Variants in NR3C1 observed in about 807,000 individuals in gnomAD.
NR3C1 encodes the protein glucocorticoid receptor.
A neutral mutation model predicts 74.0 loss-of-function variants in NR3C1; 14 were observed. That is an observed-to-expected ratio of 0.19 (90% CI 0.12 to 0.30). NR3C1 has a LOEUF of 0.30. Among genes scored for constraint, NR3C1 ranks in the 10% least tolerant of loss-of-function variants. NR3C1 has a pLI of 1.00. For missense variants in NR3C1, 695 were observed against 909.8 expected, an observed-to-expected ratio of 0.76 and a Z score of 3.04; for synonymous variants, 308 against 332.5, an observed-to-expected ratio of 0.93 and a Z score of 0.80.
intron 2 of NR3C1, among the ~76,000 whole-genome samples, chr5:143,373,375 T>C (rs1293096190): frequency 6.7e-6 from 1 of 150,312 alleles, no homozygotes; most frequent in African/African-American, 2.4e-5. Context: ...TTAACAAAGA[T>C]CTCTATAAAA....
At chr5:143,318,675 G>A (rs187460556) in intron 2 of NR3C1, among the ~76,000 whole-genome samples, 11 of 151,998 alleles carry the variant, frequency 7.2e-5, no homozygotes, top group Admixed American at 2.6e-4. Context: ...GGAAAACATC[G>A]CCAAATACCC....
chr5:143,397,376 C>A (rs1362775040), intron 2 of NR3C1, among the ~76,000 whole-genome samples: 3 of 151,736 alleles, frequency 2.0e-5, no homozygotes, highest in Non-Finnish European at 4.4e-5. Context: ...CTGGTCATAG[C>A]AAATGTTTGG....
intron 1 of NR3C1, 116 bp downstream of exon 1, chr5:143,403,095 T>G: frequency 2.5e-4 from 51 of 202,602 alleles, no homozygotes; most frequent in Non-Finnish European, 2.9e-4. Context: ...CCACCCCCAC[T>G]CCCCGAGGCT....
intron 2 of NR3C1, among the ~76,000 whole-genome samples, chr5:143,388,185 C>T (rs887770678): frequency 6.6e-6 from 1 of 152,166 alleles, no homozygotes; most frequent in Non-Finnish European, 1.5e-5. Flanking sequence ...CAATCCATTT[C>T]GAAGTCTTAA....
intron 2 of NR3C1, among the ~76,000 whole-genome samples, chr5:143,331,410 G>C (rs372943259): frequency 6.6e-6 from 1 of 152,036 alleles, no homozygotes; most frequent in Non-Finnish European, 1.5e-5. Context: ...ACTACCATTC[G>C]ACCCAGCAAT....
chr5:143,281,825 A>G lies in NR3C1; in HGVS notation c.*64T>C. 2.0e-6 allele frequency: 3 copies of G among 1,464,960 alleles called. No individual in the cohort carries two copies. The highest frequency in any genetic ancestry group is 2.3e-5 in the South Asian group (2 of 87,602). 90.7% of individuals were successfully genotyped at this position (1,464,960 alleles called of 1,614,324 possible). ...AACAAAACCTCTACAGGACAAACTG[A>G]TAGTTTATACAATAAAAGCTATTAA... On this transcript the variant is annotated 3_prime_UTR_variant, in exon 9 of 9. Coordinates refer to ENST00000394464, the MANE Select transcript of NR3C1 (RefSeq NM_000176.3).
At chr5:143,421,359 C>A (rs1751221733) in intron 1 of NR3C1, among the ~76,000 whole-genome samples, 1 of 152,148 alleles carries the variant, frequency 6.6e-6, no homozygotes, top group Admixed American at 6.5e-5. Flanking sequence ...AGTGTGGGCT[C>A]CGGGTTTGAA....
At chr5:143,382,514 C>T (rs749118468) in intron 2 of NR3C1, among the ~76,000 whole-genome samples, 5 of 152,128 alleles carry the variant, frequency 3.3e-5, no homozygotes, top group Non-Finnish European at 7.4e-5. Flanking sequence ...TTCAGGAGTG[C>T]TTTTTAAGTG....
intron 8 of NR3C1, 136 bp downstream of exon 8, chr5:143,282,432 T>A (rs943659861): frequency 3.2e-6 from 3 of 930,870 alleles, no homozygotes; most frequent in Non-Finnish European, 4.8e-6. Context: ...AGTTCATAAG[T>A]TGAACTCAAG....
intron 2 of NR3C1, among the ~76,000 whole-genome samples, chr5:143,336,212 T>C (rs1827091527): frequency 6.6e-6 from 1 of 152,244 alleles, no homozygotes; most frequent in Non-Finnish European, 1.5e-5. Context: ...GTTGTTCACA[T>C]GATAATTCCT....
rs552819882 is a variant in NR3C1 at position 143,278,910 on chromosome 5, A to C, written c.*2979T>G. 2 of 156,770 alleles carry C rather than the reference A, an allele frequency of 1.3e-5. No individual in the cohort carries two copies. The highest frequency in any genetic ancestry group is 3.8e-4 in the East Asian group (2 of 5,252). 9.7% of individuals were successfully genotyped at this position (156,770 alleles called of 1,614,324 possible). On this transcript the variant is annotated 3_prime_UTR_variant, in exon 9 of 9. Coordinates refer to ENST00000394464, the MANE Select transcript of NR3C1 (RefSeq NM_000176.3). ...GTTAGTTTTCCTTTTGGGGTGGCCA[A>C]GGTTTCCTCCCATAGTTTTAGGCAT...
chr5:143,285,249 C>T (rs1814132631), intron 7 of NR3C1, among the ~76,000 whole-genome samples: 1 of 152,046 alleles, frequency 6.6e-6, no homozygotes, highest in Non-Finnish European at 1.5e-5. Flanking sequence ...TCAGTAGAGA[C>T]CTAGGGGCCA....
intron 2 of NR3C1, among the ~76,000 whole-genome samples, chr5:143,381,342 T>C (rs1836203837): frequency 1.3e-5 from 2 of 152,042 alleles, no homozygotes; most frequent in South Asian, 2.1e-4. Context: ...GAAGAATCAA[T>C]ATTGTTAAAA....
At chr5:143,319,789 C>G (rs1178724254) in intron 2 of NR3C1, among the ~76,000 whole-genome samples, 3 of 148,560 alleles carry the variant, frequency 2.0e-5, no homozygotes, top group Admixed American at 2.0e-4. Context: ...CTTTAAGCAA[C>G]ATAAAGTGGA....
chr5:143,302,733 G>C (rs534834934), intron 4 of NR3C1, among the ~76,000 whole-genome samples: 2 of 152,206 alleles, frequency 1.3e-5, no homozygotes, highest in South Asian at 2.1e-4. Context: ...GTACTGACTA[G>C]AGCAAGAAAT....
intron 3 of NR3C1, among the ~76,000 whole-genome samples, chr5:143,310,468 T>C (rs1472402413): frequency 6.6e-6 from 1 of 152,188 alleles, no homozygotes; most frequent in East Asian, 1.9e-4. Context: ...ATAAAAAAAG[T>C]ACACAAATCA....
chr5:143,378,194 T>G (rs1835558383), intron 2 of NR3C1, among the ~76,000 whole-genome samples: 1 of 152,094 alleles, frequency 6.6e-6, no homozygotes, highest in African/African-American at 2.4e-5. Context: ...AAGGCTGCAG[T>G]GATCCAAGTT....
chr5:143,380,608 A>G (rs986301696), intron 2 of NR3C1, among the ~76,000 whole-genome samples: 5 of 132,976 alleles, frequency 3.8e-5, no homozygotes, highest in Admixed American at 1.7e-4. Flanking sequence ...AGTTCCTCAG[A>G]GGTTCAAGTA....
At chr5:143,423,400 G>A (rs1349894588) in intron 1 of NR3C1, among the ~76,000 whole-genome samples, 1 of 152,140 alleles carries the variant, frequency 6.6e-6, no homozygotes, top group Non-Finnish European at 1.5e-5. Flanking sequence ...ACTACAATGA[G>A]ATATCATCTC....
Sources: gnomAD v4.1 joint callset for allele counts (sites outside exome capture counted in the v4.1 genomes callset) on GRCh38, gnomAD v4.1.1 for gene constraint, MANE v1.5 for transcripts, NCBI Gene and HGNC (gene_info 2026-07-23, HGNC 2026-07-21) for gene names.